IFFO2: variants seen among roughly 807,000 people sequenced by gnomAD.
IFFO2 encodes the protein intermediate filament family orphan 2.
A neutral mutation model predicts 53.5 loss-of-function variants in IFFO2; 19 were observed. The observed-to-expected ratio is 0.36, with a 90% CI of 0.25 to 0.52. IFFO2 has a LOEUF of 0.52. Ranked by LOEUF, IFFO2 falls within the 20% of genes least tolerant of loss-of-function variation. The probability of loss-of-function intolerance (pLI) is 0.94; values close to 1 mark genes in which losing one functional copy is unlikely to be tolerated. For synonymous variants in IFFO2, 303 were observed against 313.6 expected (o/e 0.97, Z 0.36); for missense variants, 570 against 727.4 (o/e 0.78, Z 2.49).
At chr1:18,931,301 CT>C (rs2148178285) in intron 1 of IFFO2, among the ~76,000 whole-genome samples, 4 of 152,298 alleles carry the variant, frequency 2.6e-5, no homozygotes, top group African/African-American at 9.6e-5. Flanking sequence ...GGCACTCCCC[CT>C]ACCCCTAAAA....
In IFFO2 at chr1:18,916,075, A is replaced by C. The variant is rs1350989617; in HGVS notation, c.1103+828T>G. Among the ~76,000 whole-genome samples the C allele has an allele frequency of 6.6e-6, 1 of 151,982 alleles. No homozygotes were observed. The highest frequency in any genetic ancestry group is 1.5e-5 in the Non-Finnish European group (1 of 68,004). On this transcript the variant is annotated intron_variant, in intron 5 of 8. Coordinates refer to ENST00000455833, the MANE Select transcript of IFFO2 (RefSeq NM_001136265.2). This position sits in a 1 kb window ranked among gnomAD's most constrained non-coding sequence, Gnocchi z 4.3. The stretch of plus-strand genomic sequence containing the variant: ...GGGAGGCAGAGGTTGCAGTGAGCCG[A>C]GATCTGGCCGCTATACTCCAGTCTG...
At chr1:18,921,003 C>T in intron 2 of IFFO2, 58 bp downstream of exon 2, 1 of 1,471,504 alleles carries the variant, frequency 6.8e-7, no homozygotes, top group Non-Finnish European at 9.3e-7. Context: ...GACTGTGCCC[C>T]TTGGCCACAT....
Position 18,955,224 on chromosome 1 carries a change from G to A in IFFO2, c.665+444C>T, listed in dbSNP as rs186600744. 3.3e-5 allele frequency among the ~76,000 whole-genome samples: 5 copies of A among 152,282 alleles called. No individual in the cohort carries two copies. The East Asian group carries it at 9.7e-4, about 29-fold the overall frequency. On this transcript the variant is annotated intron_variant, in intron 1 of 8. Transcript: ENST00000455833. ...AATACTTATGCTAGGAGACAGACTA[G>A]CCAGGAGTGGTTAAAATCTCTGGTT... is the stretch of plus-strand genomic sequence containing the variant.
chr1:18,927,585 C>T (rs1038578722), intron 1 of IFFO2, among the ~76,000 whole-genome samples: 1 of 152,358 alleles, frequency 6.6e-6, no homozygotes, highest in African/African-American at 2.4e-5. Context: ...CTCAGCTCTG[C>T]GCTGCCCTAG....
chr1:18,944,149 G>A (rs1000576552), intron 1 of IFFO2, among the ~76,000 whole-genome samples: 3 of 152,198 alleles, frequency 2.0e-5, no homozygotes, highest in South Asian at 4.1e-4. Context: ...TAAAATGGTC[G>A]TGAATATGCA....
intron 1 of IFFO2, among the ~76,000 whole-genome samples, chr1:18,933,361 G>A (rs550166600): frequency 3.3e-5 from 5 of 152,362 alleles, no homozygotes; most frequent in Admixed American, 2.6e-4. Flanking sequence ...CCAGGGGCAC[G>A]AGAAAGGAAA....
intron 1 of IFFO2, among the ~76,000 whole-genome samples, chr1:18,931,044 C>T (rs1180569139): frequency 2.0e-5 from 3 of 152,160 alleles, no homozygotes; most frequent in African/African-American, 7.2e-5. Flanking sequence ...TGGTGGCACG[C>T]ACCTGTAGTC....
rs150469368 is a variant in IFFO2 at position 18,952,975 on chromosome 1, C to T, written c.665+2693G>A. 4.6e-5 allele frequency among the ~76,000 whole-genome samples: 7 copies of T among 152,340 alleles called. No homozygotes were observed. The East Asian group carries it at 1.2e-3, about 25-fold the overall frequency. Reference sequence around the variant, plus strand: ...AGCGTCCGGCTTGAAGATCGCTGAGCCTCGCAGCCTAAGTTGTCCTTTGGG... The same window carrying T: ...AGCGTCCGGCTTGAAGATCGCTGAGTCTCGCAGCCTAAGTTGTCCTTTGGG... On this transcript the variant is annotated intron_variant, in intron 1 of 8. Coordinates refer to ENST00000455833, the MANE Select transcript of IFFO2 (RefSeq NM_001136265.2).
In IFFO2 at chr1:18,917,192, C is replaced by CGTTAGCAGGGA. The variant is rs1936145773; in HGVS notation, c.964-151_964-150insTCCCTGCTAAC. ...GGAAAGGTGCAGGTCCTCTAAGAAG[C>CGTTAGCAGGGA]AGGCGGCGTTAGCAGGAAGCGCGAG... is the stretch of plus-strand genomic sequence containing the variant. On this transcript the variant is annotated intron_variant, in intron 4 of 8. Coordinates refer to ENST00000455833, the MANE Select transcript of IFFO2 (RefSeq NM_001136265.2). The surrounding 1 kb of genome is among the most constrained non-coding windows in gnomAD (Gnocchi z 5.9). 4 of 860,834 alleles carry CGTTAGCAGGGA rather than the reference C, an allele frequency of 4.6e-6. No individual in the cohort carries two copies. The Admixed American group carries it at 1.1e-4, about 23-fold the overall frequency. 53.3% of individuals were successfully genotyped at this position (860,834 alleles called of 1,614,324 possible).
intron 8 of IFFO2, among the ~76,000 whole-genome samples, 170 bp from the exon 9 acceptor site, chr1:18,908,836 A>T (rs183389604): frequency 7.2e-5 from 11 of 152,268 alleles, no homozygotes; most frequent in African/African-American, 2.2e-4. Flanking sequence ...CTCACGAGGT[A>T]ACCCCCTGCA....
At chr1:18,925,360 A>G (rs1412018471) in intron 1 of IFFO2, among the ~76,000 whole-genome samples, 3 of 152,218 alleles carry the variant, frequency 2.0e-5, no homozygotes, top group African/African-American at 7.2e-5. Flanking sequence ...AGCTTAAAGC[A>G]GTGGAGGCCC....
At chr1:18,934,594 GA>G (rs923263353) in intron 1 of IFFO2, among the ~76,000 whole-genome samples, 1 of 151,916 alleles carries the variant, frequency 6.6e-6, no homozygotes, top group African/African-American at 2.4e-5. Flanking sequence ...AATAGAAAAA[GA>G]AAAAAACAGG....
At position 18,930,709 on chromosome 1, in the gene IFFO2, C is replaced by T. The variant is rs530370033; in HGVS notation, c.666-9588G>A. Among the ~76,000 whole-genome samples, 4 of 152,326 alleles carry T rather than the reference C, an allele frequency of 2.6e-5. No individual in the cohort carries two copies. In the South Asian group the frequency reaches 8.3e-4, roughly 32 times the overall value. ...GGCATTTAAGGGTATTCACCCAGGC[C>T]AGCTGCTGGCTCTTTTGGGCAACAT... On this transcript the variant is annotated intron_variant, in intron 1 of 8. Transcript: ENST00000455833.
At chr1:18,951,977 G>T (rs1345401784) in intron 1 of IFFO2, among the ~76,000 whole-genome samples, 1 of 152,186 alleles carries the variant, frequency 6.6e-6, no homozygotes, top group Admixed American at 6.5e-5. Flanking sequence ...ACTCCTGCAT[G>T]TAAAGGTGGA....
intron 1 of IFFO2, among the ~76,000 whole-genome samples, chr1:18,949,917 C>T (rs1432562727): frequency 8.5e-5 from 13 of 152,388 alleles, no homozygotes; most frequent in Admixed American, 6.5e-4. Flanking sequence ...GAATCTTCAG[C>T]GTCAGCTGTC....
Position 18,919,424 on chromosome 1 carries a change from G to A in IFFO2, c.822+254C>T, listed in dbSNP as rs867441192. Among the ~76,000 whole-genome samples, 4 of 152,006 alleles carry A rather than the reference G, an allele frequency of 2.6e-5. No individual in the cohort carries two copies. Among genetic ancestry groups the A allele is most frequent in the South Asian group, 2.1e-4 (1 of 4,810 alleles). On this transcript the variant is annotated intron_variant, in intron 3 of 8. Coordinates refer to ENST00000455833, the MANE Select transcript of IFFO2 (RefSeq NM_001136265.2). This position sits in a 1 kb window ranked among gnomAD's most constrained non-coding sequence, Gnocchi z 4.9. ...CACACACAGACCATCAGGGGAGCCCGGGGGAGGGCGGGATAGGTTAAGCGG... is the reference window on the plus strand; with the variant it reads ...CACACACAGACCATCAGGGGAGCCCAGGGGAGGGCGGGATAGGTTAAGCGG...
chr1:18,955,381 T>C (rs1018033669), intron 1 of IFFO2, among the ~76,000 whole-genome samples: 3 of 152,158 alleles, frequency 2.0e-5, no homozygotes, highest in Admixed American at 2.0e-4. Context: ...GTGCTGAGAA[T>C]TAAATGAGAT....
At chr1:18,934,091 G>T (rs1936415437) in intron 1 of IFFO2, among the ~76,000 whole-genome samples, 1 of 83,576 alleles carries the variant, frequency 1.2e-5, no homozygotes, top group African/African-American at 5.5e-5. Context: ...TTTTGAGACA[G>T]CGTCTCACTC....
intron 1 of IFFO2, among the ~76,000 whole-genome samples, chr1:18,929,666 G>GACT (rs10524803): frequency 0.86 from 130,477 of 151,782 alleles, 56,329 homozygotes; most frequent in African/African-American, 0.92. Flanking sequence ...GACTTGAGAG[G>GACT]TGAGAGGTGA....
Sources: allele counts gnomAD v4.1 joint callset (sites outside exome capture counted in the v4.1 genomes callset), GRCh38; gene constraint gnomAD v4.1.1; non-coding constraint Gnocchi (gnomAD v3.1); transcripts MANE v1.5; gene names NCBI Gene and HGNC (gene_info 2026-07-23, HGNC 2026-07-21).